Variants in TNNI3K observed in about 807,000 individuals in gnomAD.
The protein encoded by TNNI3K is serine/threonine-protein kinase TNNI3K.
A neutral mutation model predicts 114.5 loss-of-function variants in TNNI3K; 140 were observed. The observed-to-expected ratio is 1.22, with a 90% CI of 1.07 to 1.41. The LOEUF is 1.41. Ranked by LOEUF, TNNI3K falls within the 40% of genes most tolerant of loss-of-function variation. The probability of loss-of-function intolerance (pLI) is 0.00; values close to 1 mark genes in which losing one functional copy is unlikely to be tolerated. For synonymous variants in TNNI3K, 347 were observed against 347.5 expected (o/e 1.00, Z 0.02); for missense variants, 1,125 against 1,007.6 (o/e 1.12, Z -1.58).
intron 17 of TNNI3K, among the ~76,000 whole-genome samples, chr1:74,395,171 G>A (rs899326195): frequency 6.6e-6 from 1 of 152,126 alleles, no homozygotes; most frequent in Non-Finnish European, 1.5e-5. Flanking sequence ...CAATTTAGGG[G>A]ATAAATTGCT....
chr1:74,480,247 A>G (rs1481678525), intron 21 of TNNI3K: 8 of 717,412 alleles, frequency 1.1e-5, no homozygotes, highest in South Asian at 1.0e-4. Flanking sequence ...GAGCTTTGGA[A>G]TCACAGTTGG....
intron 4 of TNNI3K, among the ~76,000 whole-genome samples, chr1:74,264,193 G>A (rs116236845): frequency 0.013 from 1,969 of 151,200 alleles, 26 homozygotes; most frequent in Non-Finnish European, 0.02. Context: ...TTCAAGCAAA[G>A]TCAAGTATTT....
intron 5 of TNNI3K, among the ~76,000 whole-genome samples, chr1:74,311,798 G>C (rs148476482): frequency 2.0e-5 from 3 of 151,940 alleles, no homozygotes; most frequent in Non-Finnish European, 4.4e-5. Context: ...AAAATCCTTT[G>C]CTTTTTATAT....
chr1:74,475,722 A>G, intron 21 of TNNI3K: 1 of 694,952 alleles, frequency 1.4e-6, no homozygotes, highest in East Asian at 2.7e-5. Flanking sequence ...TTCTGCAACA[A>G]AGGTTTTCTG....
intron 23 of TNNI3K, among the ~76,000 whole-genome samples, chr1:74,498,521 C>T (rs1192429060): frequency 6.6e-6 from 1 of 151,920 alleles, no homozygotes; most frequent in Non-Finnish European, 1.5e-5. Context: ...TATTTAATTG[C>T]ATGTGGTGAA....
At chr1:74,452,972 A>G (rs1667089085) in intron 20 of TNNI3K, among the ~76,000 whole-genome samples, 1 of 152,220 alleles carries the variant, frequency 6.6e-6, no homozygotes, top group South Asian at 2.1e-4. Flanking sequence ...TCTAAATATA[A>G]TTTCTTTCCA....
At chr1:74,429,862 G>A (rs1033194414) in intron 17 of TNNI3K, among the ~76,000 whole-genome samples, 1 of 152,064 alleles carries the variant, frequency 6.6e-6, no homozygotes, top group African/African-American at 2.4e-5. Flanking sequence ...ATCACCTTCA[G>A]GGATACATCA....
intron 17 of TNNI3K, among the ~76,000 whole-genome samples, chr1:74,422,304 C>T (rs371862274): frequency 5.3e-5 from 8 of 152,108 alleles, no homozygotes; most frequent in African/African-American, 1.7e-4. Flanking sequence ...TAGAAAGCAA[C>T]CAATTAATTC....
chr1:74,390,965 G>GAAA (rs10672464), intron 17 of TNNI3K, among the ~76,000 whole-genome samples: 1,998 of 131,532 alleles, frequency 0.015, 36 homozygotes, highest in African/African-American at 0.023. Context: ...ATTTTTTTCC[G>GAAA]AAAAAAAAAA....
chr1:74,297,625 T>G (rs1274231411), intron 5 of TNNI3K, among the ~76,000 whole-genome samples: 1 of 152,112 alleles, frequency 6.6e-6, no homozygotes, highest in Admixed American at 6.6e-5. Context: ...TCTTGACTAC[T>G]GTGAATAATG....
At chr1:74,449,723 C>T (rs1021310692) in intron 20 of TNNI3K, among the ~76,000 whole-genome samples, 9 of 151,422 alleles carry the variant, frequency 5.9e-5, no homozygotes, top group African/African-American at 2.2e-4. Flanking sequence ...AATATATATG[C>T]ACCCAATACA....
chr1:74,374,617 A>G (rs769029653), intron 17 of TNNI3K: 1 of 151,944 alleles, frequency 6.6e-6, no homozygotes, highest in Non-Finnish European at 1.5e-5. Flanking sequence ...ATATCATCTT[A>G]TGCTTCTGTG....
chr1:74,388,797 T>A (rs188464089), intron 17 of TNNI3K, among the ~76,000 whole-genome samples: 2 of 152,346 alleles, frequency 1.3e-5, no homozygotes, highest in East Asian at 3.9e-4. Context: ...GTACAGAATC[T>A]CATACTAACC....
At chr1:74,282,414 C>T (rs1322528516) in intron 5 of TNNI3K, among the ~76,000 whole-genome samples, 4 of 152,070 alleles carry the variant, frequency 2.6e-5, no homozygotes, top group East Asian at 3.9e-4. Flanking sequence ...CAGATGCATT[C>T]GCTGTATGTT....
At chr1:74,359,181 T>C (rs1387362878) in intron 11 of TNNI3K, among the ~76,000 whole-genome samples, 2 of 152,024 alleles carry the variant, frequency 1.3e-5, no homozygotes, top group African/African-American at 4.8e-5. Flanking sequence ...GCAAGGCCTT[T>C]AACCTCTTTC....
chr1:74,391,563 A>G (rs778263711), intron 17 of TNNI3K, among the ~76,000 whole-genome samples: 3 of 152,190 alleles, frequency 2.0e-5, no homozygotes, highest in Non-Finnish European at 4.4e-5. Flanking sequence ...GCCATTTTAA[A>G]TTTGAGGTGC....
intron 5 of TNNI3K, among the ~76,000 whole-genome samples, chr1:74,306,324 T>C (rs1658630938): frequency 6.6e-6 from 1 of 152,232 alleles, no homozygotes; most frequent in South Asian, 2.1e-4. Context: ...TTGTGAATTG[T>C]GCTATGATAA....
intron 5 of TNNI3K, among the ~76,000 whole-genome samples, chr1:74,315,256 T>A (rs485729): frequency 0.99 from 150,898 of 152,266 alleles, 74,788 homozygotes; most frequent in Middle Eastern, 1. Context: ...ACAGTGAAGA[T>A]TCCATTATTA....
intron 17 of TNNI3K, among the ~76,000 whole-genome samples, chr1:74,384,183 T>C (rs1367980117): frequency 6.6e-6 from 1 of 152,198 alleles, no homozygotes; most frequent in Non-Finnish European, 1.5e-5. Context: ...TCACTTAATA[T>C]TGAACAATTC....
Sources: gnomAD v4.1 joint callset for allele counts (sites outside exome capture counted in the v4.1 genomes callset) on GRCh38, gnomAD v4.1.1 for gene constraint, MANE v1.5 for transcripts, NCBI Gene and HGNC (gene_info 2026-07-23, HGNC 2026-07-21) for gene names.